SLC9A9: variants seen among roughly 807,000 people sequenced by gnomAD.
The protein encoded by SLC9A9 is solute carrier family 9 member A9.
SLC9A9 carries 62 observed loss-of-function variants against 77.8 expected under a neutral mutation model. The observed-to-expected ratio is 0.80, with a 90% CI of 0.65 to 0.98. The LOEUF (loss-of-function observed/expected upper bound fraction) is 0.98, where lower values mean the gene tolerates loss of function less well. Among genes scored for constraint, SLC9A9 ranks in the 50% least tolerant of loss-of-function variants. SLC9A9 has a pLI of 0.00. For missense variants in SLC9A9, 775 were observed against 774.9 expected (o/e 1.00, Z 0.00); for synonymous variants, 320 against 283.5 (o/e 1.13, Z -1.29).
Position 143,848,190 on chromosome 3 carries a change from G to A in SLC9A9, c.133C>T (p.Arg45Ter). Residue 45 changes from arginine to a stop codon, truncating the protein, a stop_gained, in exon 1 of 16, where the codon CGA becomes TGA. Transcript: ENST00000316549. LOFTEE classifies it high-confidence loss of function. ...CCAGTTTCATGCAAGAAGCGGAATC[G>A]ATGATTTTTAAATAACCAGATTGTC... The part of the protein sequence containing the change: ...ILTIWLFKNH[R>*]FRFLHETGGA... 1 of 1,613,976 alleles carries A rather than the reference G, an allele frequency of 6.2e-7. No homozygotes were observed. The highest frequency in any genetic ancestry group is 8.5e-7 in the Non-Finnish European group (1 of 1,179,914).
At chr3:143,624,582 CT>C (rs1276278803) in intron 6 of SLC9A9, among the ~76,000 whole-genome samples, 1 of 152,178 alleles carries the variant, frequency 6.6e-6, no homozygotes, top group East Asian at 1.9e-4. Context: ...ATGCTAAAAA[CT>C]CTCAATAAAT....
At chr3:143,612,566 T>C (rs2038039843) in intron 6 of SLC9A9, among the ~76,000 whole-genome samples, 1 of 152,216 alleles carries the variant, frequency 6.6e-6, no homozygotes, top group African/African-American at 2.4e-5. Context: ...AGTAATTGCT[T>C]CTCTGAAGTG....
intron 2 of SLC9A9, among the ~76,000 whole-genome samples, chr3:143,807,754 A>T (rs1199357088): frequency 6.6e-6 from 1 of 151,890 alleles, no homozygotes; most frequent in African/African-American, 2.4e-5. Context: ...TTAAAAAAGA[A>T]AAAAGAAAAG....
intron 6 of SLC9A9, among the ~76,000 whole-genome samples, chr3:143,615,028 T>C (rs1230772389): frequency 6.6e-6 from 1 of 152,264 alleles, no homozygotes; most frequent in East Asian, 1.9e-4. Context: ...ACAGCATGGC[T>C]TCTCCAGGGG....
In SLC9A9 at chr3:143,364,803, C is replaced by A. The variant is rs1455856606; in HGVS notation, c.1525-1240G>T. Among the ~76,000 whole-genome samples the A allele has an allele frequency of 2.0e-5, 3 of 152,148 alleles. No homozygotes were observed. In the East Asian group the frequency reaches 5.8e-4, roughly 29 times the overall value. On this transcript the variant is annotated intron_variant, in intron 13 of 15. Coordinates refer to ENST00000316549, the MANE Select transcript of SLC9A9 (RefSeq NM_173653.4). ...ACTCACAATGAAATTAAAACCCAAA[C>A]TTTTGTCTTTTTCATTGATTGTCTT...
At chr3:143,268,615 C>T (rs1372339222) in intron 15 of SLC9A9, among the ~76,000 whole-genome samples, 3 of 148,004 alleles carry the variant, frequency 2.0e-5, no homozygotes, top group Admixed American at 2.0e-4. Context: ...CGCCTGTAGT[C>T]CCAGCTACTC....
At chr3:143,778,989 A>G (rs1181632029) in intron 4 of SLC9A9, among the ~76,000 whole-genome samples, 7 of 152,210 alleles carry the variant, frequency 4.6e-5, no homozygotes, top group Non-Finnish European at 8.8e-5. Flanking sequence ...GATTCTTTCA[A>G]TGACATGAAT....
intron 2 of SLC9A9, among the ~76,000 whole-genome samples, chr3:143,819,395 A>C (rs1207534076): frequency 6.6e-6 from 1 of 152,234 alleles, no homozygotes; most frequent in Non-Finnish European, 1.5e-5. Flanking sequence ...CAAAACATCT[A>C]CATAATTCTA....
At chr3:143,697,911 A>G (rs1305757601) in intron 4 of SLC9A9, among the ~76,000 whole-genome samples, 1 of 152,232 alleles carries the variant, frequency 6.6e-6, no homozygotes, top group African/African-American at 2.4e-5. Context: ...ATCAATGCTA[A>G]TTATAATAAG....
chr3:143,662,716 G>A (rs886745846), intron 5 of SLC9A9, among the ~76,000 whole-genome samples: 4 of 152,072 alleles, frequency 2.6e-5, no homozygotes, highest in African/African-American at 7.2e-5. Context: ...ACAGCAGTCC[G>A]AGATGAAATT....
chr3:143,268,820 C>G, intron 15 of SLC9A9, 55 bp downstream of exon 15: 2 of 1,382,294 alleles, frequency 1.4e-6, no homozygotes, highest in Non-Finnish European at 2.0e-6. Context: ...CGATATTCAC[C>G]AAGTCTGTCC....
chr3:143,637,162 G>T (rs1246630716), intron 6 of SLC9A9, among the ~76,000 whole-genome samples: 4 of 152,078 alleles, frequency 2.6e-5, no homozygotes, highest in African/African-American at 9.7e-5. Context: ...GACAGATAAA[G>T]AATTCAAAAT....
At chr3:143,372,307 CA>C (rs1208091560) in intron 13 of SLC9A9, among the ~76,000 whole-genome samples, 1 of 152,046 alleles carries the variant, frequency 6.6e-6, no homozygotes, top group East Asian at 1.9e-4. Context: ...ACTGGACTTC[CA>C]ATTATACTAC....
At chr3:143,694,485 CT>C (rs1328301907) in intron 4 of SLC9A9, among the ~76,000 whole-genome samples, 10 of 152,120 alleles carry the variant, frequency 6.6e-5, no homozygotes, top group Non-Finnish European at 1.2e-4. Context: ...AATGAGGTCA[CT>C]GAGGCTAAAA....
chr3:143,346,245 T>C (rs1167091257), intron 14 of SLC9A9, among the ~76,000 whole-genome samples: 2 of 152,136 alleles, frequency 1.3e-5, no homozygotes, highest in African/African-American at 2.4e-5. Context: ...AGAAGATTAT[T>C]CTATAAAAAG....
intron 11 of SLC9A9, among the ~76,000 whole-genome samples, chr3:143,475,380 T>C (rs1006283623): frequency 1.3e-5 from 2 of 152,190 alleles, no homozygotes; most frequent in Non-Finnish European, 2.9e-5. Context: ...ACCTCTGGTT[T>C]GCTGCCTCTG....
intron 14 of SLC9A9, among the ~76,000 whole-genome samples, chr3:143,276,437 T>C (rs1032393539): frequency 2.0e-5 from 3 of 152,220 alleles, no homozygotes; most frequent in African/African-American, 7.2e-5. Flanking sequence ...GTTTTGTTAT[T>C]TAATTGTTCT....
intron 5 of SLC9A9, chr3:143,655,717 C>A: frequency 3.3e-5 from 21 of 645,982 alleles, no homozygotes; most frequent in Non-Finnish European, 3.8e-5. Context: ...CACACAAACA[C>A]ACCCCTACCT....
chr3:143,290,712 G>A (rs1265789482), intron 14 of SLC9A9, among the ~76,000 whole-genome samples: 1 of 152,194 alleles, frequency 6.6e-6, no homozygotes, highest in Non-Finnish European at 1.5e-5. Context: ...GTTAATAGAT[G>A]TTAAATGGGT....
Sources: gnomAD v4.1 joint callset for allele counts (sites outside exome capture counted in the v4.1 genomes callset) on GRCh38, gnomAD v4.1.1 for gene constraint, MANE v1.5 for transcripts, NCBI Gene and HGNC (gene_info 2026-07-23, HGNC 2026-07-21) for gene names.